Variants in ZNF717 observed in about 807,000 individuals in gnomAD.
ZNF717 encodes zinc finger protein 717.
Under a neutral mutation model 13.8 loss-of-function variants are expected in ZNF717, and 9 were observed. The ratio of observed to expected loss-of-function variants is 0.65; its 90% CI spans 0.39 to 1.14. The LOEUF (loss-of-function observed/expected upper bound fraction) is 1.14. Ranked by LOEUF, ZNF717 falls within the 50% of genes most tolerant of loss-of-function variation. The pLI is 0.01. For missense variants in ZNF717, 1,040 were observed against 1,080.7 expected, an observed-to-expected ratio of 0.96 and a Z score of 0.53; for synonymous variants, 327 against 364.1, an observed-to-expected ratio of 0.90 and a Z score of 1.16.
chr3:75,712,567 TCAGAC>T (rs1185963797), intron 5 of ZNF717, among the ~76,000 whole-genome samples: 3 of 152,222 alleles, frequency 2.0e-5, no homozygotes, highest in Non-Finnish European at 2.9e-5. Flanking sequence ...AATGAGTTAC[TCAGAC>T]CATTGGTGAC....
At chr3:75,722,750 G>T (rs77768938) in intron 4 of ZNF717, among the ~76,000 whole-genome samples, 212 of 136,286 alleles carry the variant, frequency 1.6e-3, no homozygotes, top group African/African-American at 5.8e-3. Context: ...GGAGGTGGAG[G>T]TTGCAGTGAG....
At chr3:75,772,885 T>C (rs6787680) in intron 2 of ZNF717, among the ~76,000 whole-genome samples, 106,403 of 147,634 alleles carry the variant, frequency 0.72, 38,202 homozygotes, top group African/African-American at 0.87. Context: ...AGCTGGGGAT[T>C]GTGGTAAATT....
At chr3:75,730,547 G>A (rs1938469603) in exon 6 of ZNF717, 1 of 691,250 alleles carries the variant, frequency 1.4e-6, no homozygotes, top group Non-Finnish European at 2.6e-6. Context: ...TGAAATATCT[G>A]AGGTCCCATA....
At chr3:75,713,627 T>C (rs1413769740) in intron 5 of ZNF717, among the ~76,000 whole-genome samples, 1 of 152,094 alleles carries the variant, frequency 6.6e-6, no homozygotes, top group African/African-American at 2.4e-5. Flanking sequence ...TAAATATAAC[T>C]CTAGGCAAAA....
chr3:75,721,103 TA>T (rs2106862235), intron 4 of ZNF717, among the ~76,000 whole-genome samples: 1 of 152,304 alleles, frequency 6.6e-6, no homozygotes, highest in East Asian at 1.9e-4. Context: ...TTATTTCAAC[TA>T]AATATAAAGT....
At chr3:75,776,351 G>A (rs1944318219) in intron 2 of ZNF717, among the ~76,000 whole-genome samples, 1 of 152,254 alleles carries the variant, frequency 6.6e-6, no homozygotes, top group Non-Finnish European at 1.5e-5. Flanking sequence ...GGTACATTTG[G>A]TTACCTGATG....
At chr3:75,747,338 T>C (rs1188138715) in intron 2 of ZNF717, among the ~76,000 whole-genome samples, 1 of 152,198 alleles carries the variant, frequency 6.6e-6, no homozygotes, top group Non-Finnish European at 1.5e-5. Context: ...GACTTGGCAA[T>C]GTGGGCTCTT....
At chr3:75,723,663 C>A (rs1286594681) in intron 4 of ZNF717, among the ~76,000 whole-genome samples, 1 of 152,214 alleles carries the variant, frequency 6.6e-6, no homozygotes, top group Non-Finnish European at 1.5e-5. Flanking sequence ...AGAGTGCGAG[C>A]CCTCTGTCAT....
At chr3:75,734,557 C>T (rs1274690678), downstream of ZNF717, among the ~76,000 whole-genome samples, 6 of 151,314 alleles carry the variant, frequency 4.0e-5, no homozygotes, top group South Asian at 4.2e-4. Flanking sequence ...CTCAGCCTCC[C>T]GAGTAGCTGG....
At chr3:75,747,271 T>C (rs1273583664) in intron 2 of ZNF717, among the ~76,000 whole-genome samples, 9 of 152,178 alleles carry the variant, frequency 5.9e-5, no homozygotes, top group Non-Finnish European at 1.0e-4. Flanking sequence ...AGCCTTGTAG[T>C]ATAGTTTGAA....
Position 75,738,137 on chromosome 3 carries a change from T to A in ZNF717, c.1486A>T (p.Ile496Phe). Residue 496 changes from isoleucine (I) to phenylalanine (F), a missense_variant, in exon 5 of 5, where the codon ATC becomes TTC. Transcript: ENST00000652011. ...TCCCCTGTGTGAGTCCATTGATGGATAGTGAGGAATGACTTACGGTGAAAC... is the reference window on the plus strand; with the variant it reads ...TCCCCTGTGTGAGTCCATTGATGGAAAGTGAGGAATGACTTACGGTGAAAC... ...KTFHRKSFLT[I>F]HQWTHTGEKP... 7.0e-7 allele frequency: 1 copy of A among 1,427,308 alleles called. No homozygotes were observed. The highest frequency in any genetic ancestry group is 9.6e-7 in the Non-Finnish European group (1 of 1,040,104). 88.4% of individuals were successfully genotyped at this position (1,427,308 alleles called of 1,614,324 possible). A position where few individuals can be genotyped will look rare whatever the true frequency, so the allele number is the denominator to read the frequency against.
intron 2 of ZNF717, among the ~76,000 whole-genome samples, chr3:75,774,677 G>C (rs543557736): frequency 5.9e-5 from 8 of 134,678 alleles, no homozygotes; most frequent in Admixed American, 5.7e-4. Context: ...CTGGAGTACA[G>C]TGGTGCGATC....
At chr3:75,713,058 G>C (rs1397960246) in intron 5 of ZNF717, among the ~76,000 whole-genome samples, 1 of 152,024 alleles carries the variant, frequency 6.6e-6, no homozygotes, top group South Asian at 2.1e-4. Flanking sequence ...GTTGCAGTGA[G>C]CTATGACCAT....
At chr3:75,760,209 T>C (rs1386089400) in intron 2 of ZNF717, among the ~76,000 whole-genome samples, 1 of 151,392 alleles carries the variant, frequency 6.6e-6, no homozygotes, top group Admixed American at 6.6e-5. Flanking sequence ...TTATATATTT[T>C]TTTTTTCTAT....
chr3:75,747,389 C>A (rs1476294218), intron 2 of ZNF717, among the ~76,000 whole-genome samples: 2 of 152,104 alleles, frequency 1.3e-5, no homozygotes, highest in Admixed American at 6.5e-5. Context: ...TTTTCCAATT[C>A]TGTGAAGAAA....
chr3:75,755,072 C>A (rs922950368), intron 2 of ZNF717, among the ~76,000 whole-genome samples: 1 of 151,284 alleles, frequency 6.6e-6, no homozygotes, highest in African/African-American at 2.4e-5. Context: ...AAAAACCCAC[C>A]AACCTAAGTT....
chr3:75,748,648 C>G (rs113926561), intron 2 of ZNF717, among the ~76,000 whole-genome samples: 382 of 152,220 alleles, frequency 2.5e-3, no homozygotes, highest in African/African-American at 8.0e-3. Flanking sequence ...CAGCCCTTCA[C>G]GCTAAAAAAC....
At chr3:75,756,039 CCCT>C in intron 2 of ZNF717, among the ~76,000 whole-genome samples, 1 of 152,318 alleles carries the variant, frequency 6.6e-6, no homozygotes, top group Middle Eastern at 3.4e-3. Flanking sequence ...TTTGTGGCCA[CCCT>C]GCAATAAGCA....
rs1937645325 is a variant in ZNF717, at chr3:75,699,583, T to C, written n.1085+11604A>G. 2.0e-5 allele frequency among the ~76,000 whole-genome samples: 3 copies of C among 152,296 alleles called. No individual in the cohort carries two copies. In the South Asian group the frequency reaches 6.2e-4, roughly 32 times the overall value. ...CTGCCCTCACACTTACCATGTGATG[T>C]GCAAGCACCAGATTTATTTTTCACC... is the stretch of plus-strand genomic sequence containing the variant. On this transcript the variant is annotated intron_variant and non_coding_transcript_variant, in intron 6 of 6. Coordinates refer to the ZNF717 transcript ENST00000648506.
Sources: allele counts gnomAD v4.1 joint callset (sites outside exome capture counted in the v4.1 genomes callset), GRCh38; gene constraint gnomAD v4.1.1; transcripts MANE v1.5; gene names NCBI Gene and HGNC (gene_info 2026-07-23, HGNC 2026-07-21).